The following HSP90AA1 variants were observed in gnomAD, a reference collection of about 807,000 sequenced individuals.
The protein encoded by HSP90AA1 is heat shock protein 90 alpha family class A member 1.
Under a neutral mutation model 73.3 loss-of-function variants are expected in HSP90AA1, and 18 were observed. That is an observed-to-expected ratio of 0.25 (90% CI 0.17 to 0.36). The LOEUF (loss-of-function observed/expected upper bound fraction) is 0.36. HSP90AA1 is among the 10% of genes least tolerant of loss of function. The probability of loss-of-function intolerance (pLI) is 1.00; values close to 1 mark genes in which losing one functional copy is unlikely to be tolerated. For synonymous variants in HSP90AA1, 477 were observed against 296.9 expected, an observed-to-expected ratio of 1.61 and a Z score of -6.24; for missense variants, 704 against 874.2, an observed-to-expected ratio of 0.81 and a Z score of 2.45.
chr14:102,106,368 G>C (rs558401576), intron 1 of HSP90AA1, among the ~76,000 whole-genome samples: 20 of 152,158 alleles, frequency 1.3e-4, no homozygotes, highest in Admixed American at 7.2e-4. Flanking sequence ...AGTGAGCAGG[G>C]AAGAGCCATC....
In HSP90AA1 at chr14:102,085,787, C is replaced by G; in HGVS notation, c.500G>C (p.Gly167Ala). The G allele has an allele frequency of 6.2e-7, 1 of 1,613,966 alleles. No individual in the cohort carries two copies. Among genetic ancestry groups the G allele is most frequent in the Admixed American group, 1.7e-5 (1 of 60,012 alleles). ...DEQYAWESSA[G>A]GSFTVRTDTG... Reference sequence around the variant, plus strand: ...GTCTGTCCTCACTGTGAATGATCCCCCTGCTGAGGACTCCCAAGCGTACTG... The same window carrying G: ...GTCTGTCCTCACTGTGAATGATCCCGCTGCTGAGGACTCCCAAGCGTACTG... Residue 167 changes from glycine (G) to alanine (A), a missense_variant, in exon 3 of 11, where the codon GGG (glycine) becomes GCG (alanine). Coordinates refer to ENST00000216281, the MANE Select transcript of HSP90AA1 (RefSeq NM_005348.4).
At position 102,081,672 on chromosome 14, in the gene HSP90AA1, T is replaced by C. The variant is rs1416319789; in HGVS notation, c.*40A>G. 5.9e-6 allele frequency: 5 copies of C among 848,638 alleles called. No individual in the cohort carries two copies. Among genetic ancestry groups the C allele is most frequent in the Admixed American group, 1.7e-5 (1 of 59,024 alleles). 52.6% of individuals were successfully genotyped at this position (848,638 alleles called of 1,614,324 possible). A position where few individuals can be genotyped will look rare whatever the true frequency, so the allele number is the denominator to read the frequency against. On this transcript the variant is annotated 3_prime_UTR_variant, in exon 11 of 11. Transcript: ENST00000216281. ...CTTGAAAATATATTATCAGAGGAATTGTAGAGTACTGAACAGGTAAGTCAT... is the reference window on the plus strand; with the variant it reads ...CTTGAAAATATATTATCAGAGGAATCGTAGAGTACTGAACAGGTAAGTCAT...
At chr14:102,137,181 C>T (rs903200451) in intron 1 of HSP90AA1, among the ~76,000 whole-genome samples, 19 of 150,844 alleles carry the variant, frequency 1.3e-4, no homozygotes, top group African/African-American at 4.2e-4. Context: ...CTCCAGCCTG[C>T]GGAGAGCTGA....
rs569173401 is a variant in HSP90AA1, at chr14:102,081,405, T to A, written c.*307A>T. 6.4e-5 allele frequency: 30 copies of A among 468,976 alleles called. No individual in the cohort carries two copies. The South Asian group carries it at 6.8e-4, about 11-fold the overall frequency. 29.1% of individuals were successfully genotyped at this position (468,976 alleles called of 1,614,324 possible). ...TAACAAGATTTGGTCTACTTAGGCA[T>A]CCGGCTTGACAGCTAAACACTTTAG... On this transcript the variant is annotated 3_prime_UTR_variant, in exon 11 of 11. Transcript: ENST00000216281.
In HSP90AA1 at chr14:102,082,193, A is replaced by C; in HGVS notation, c.2007T>G (p.Thr669=). Residue 669 remains threonine, a synonymous_variant, in exon 10 of 11, where the codon ACT becomes ACG. Coordinates refer to ENST00000216281, the MANE Select transcript of HSP90AA1 (RefSeq NM_005348.4). ...VKDLVILLYE[T]ALLSSGFSLE... is the part of the protein sequence containing the mutation. ...GACTGAAGCCAGAAGACAGGAGCGC[A>C]GTTTCATAAAGCAAGATGACCAGAT... 1.9e-6 allele frequency: 3 copies of C among 1,613,912 alleles called. No homozygotes were observed. The highest frequency in any genetic ancestry group is 2.5e-6 in the Non-Finnish European group (3 of 1,179,784).
intron 1 of HSP90AA1, among the ~76,000 whole-genome samples, chr14:102,102,636 G>A (rs10133094): frequency 0.067 from 10,273 of 152,226 alleles, 386 homozygotes; most frequent in African/African-American, 0.1. Context: ...GCTCTGCCAC[G>A]CATACGACTT....
intron 1 of HSP90AA1, among the ~76,000 whole-genome samples, chr14:102,116,363 G>A (rs185270507): frequency 1.3e-5 from 2 of 152,248 alleles, no homozygotes; most frequent in East Asian, 3.9e-4. Flanking sequence ...ATTTCTAGGA[G>A]TCCTTTATTC....
rs1302461470 is a variant in HSP90AA1, at chr14:102,116,946, C to T, written c.156-14861G>A. ...ATCTCTGCACTCTGTGCCCTCAGGGCACAGGCTTGGGGGTGTCTGCTTCTG... is the reference window on the plus strand; with the variant it reads ...ATCTCTGCACTCTGTGCCCTCAGGGTACAGGCTTGGGGGTGTCTGCTTCTG... On this transcript the variant is annotated intron_variant, in intron 1 of 11. Transcript: ENST00000334701. 4.6e-5 allele frequency among the ~76,000 whole-genome samples: 7 copies of T among 152,274 alleles called. No individual in the cohort carries two copies. The East Asian group carries it at 1.4e-3, about 29-fold the overall frequency.
At chr14:102,087,620 G>C (rs369640823), upstream of HSP90AA1, among the ~76,000 whole-genome samples, 1 of 152,186 alleles carries the variant, frequency 6.6e-6, no homozygotes, top group African/African-American at 2.4e-5. Flanking sequence ...CGCCGGGATC[G>C]CGGGGCTCTG....
At chr14:102,092,323 G>A (rs117058023) in intron 2 of HSP90AA1, among the ~76,000 whole-genome samples, 3 of 151,870 alleles carry the variant, frequency 2.0e-5, no homozygotes, top group Admixed American at 2.0e-4. Context: ...TGCCTGCCTC[G>A]GTGTCGCAAA....
intron 1 of HSP90AA1, among the ~76,000 whole-genome samples, chr14:102,138,556 G>A (rs867364136): frequency 1.3e-5 from 2 of 151,444 alleles, no homozygotes; most frequent in African/African-American, 2.4e-5. Context: ...ATTATCAAAT[G>A]TATTACTACA....
intron 1 of HSP90AA1, among the ~76,000 whole-genome samples, chr14:102,127,099 A>G (rs1014294503): frequency 1.3e-5 from 2 of 151,348 alleles, no homozygotes; most frequent in Non-Finnish European, 2.9e-5. Flanking sequence ...TTATAATTAT[A>G]TATAAGTAAC....
At chr14:102,083,498 C>T (rs760659759) in intron 8 of HSP90AA1, 48 bp downstream of exon 8, 35 of 1,579,280 alleles carry the variant, frequency 2.2e-5, no homozygotes, top group Admixed American at 5.0e-5. Context: ...ACAGAGCCTA[C>T]AAGATTGTAA....
rs36078484 is a variant in HSP90AA1, at chr14:102,083,079, G to T, written c.1710C>A (p.Asn570Lys). 3 of 1,613,738 alleles carry T rather than the reference G, an allele frequency of 1.9e-6. No homozygotes were observed. Among genetic ancestry groups the T allele is most frequent in the Non-Finnish European group, 2.5e-6 (3 of 1,179,746 alleles). The change falls in exon 9 of 11, where the codon AAC becomes AAA. Residue 570 changes from asparagine to lysine, a missense_variant. Coordinates refer to ENST00000216281, the MANE Select transcript of HSP90AA1 (RefSeq NM_005348.4). ...KQEEKKTKFE[N>K]LCKIMKDILE... is the part of the protein sequence containing the mutation. ...ATATGTCTTTCATGATTTTGCAGAG[G>T]TTCTCAAACTTTGTTTTTTTCTCTT...
Position 102,086,163 on chromosome 14 carries a change from C to T in HSP90AA1, c.163-39G>A, listed in dbSNP as rs962266271. Reference sequence around the variant, plus strand: ...ATATTAATTTAAGCATACAGCACCCCCAAGAAGTTCACACTGAAACCAAAA... The same window carrying T: ...ATATTAATTTAAGCATACAGCACCCTCAAGAAGTTCACACTGAAACCAAAA... On this transcript the variant is annotated intron_variant, in intron 2 of 10. Coordinates refer to ENST00000216281, the MANE Select transcript of HSP90AA1 (RefSeq NM_005348.4). 7 of 1,613,898 alleles carry T rather than the reference C, an allele frequency of 4.3e-6. No homozygotes were observed. In the African/African-American group the frequency reaches 8.0e-5, roughly 18 times the overall value.
intron 4 of HSP90AA1, 109 bp downstream of exon 4, chr14:102,085,189 G>A (rs1182819082): frequency 7.0e-7 from 1 of 1,430,180 alleles, no homozygotes; most frequent in Non-Finnish European, 9.8e-7. Context: ...TAGAGCTTAG[G>A]TTCCCCAGGC....
At chr14:102,086,629 A>ACC (rs947830893) in intron 1 of HSP90AA1, among the ~76,000 whole-genome samples, 11 of 150,758 alleles carry the variant, frequency 7.3e-5, no homozygotes, top group Admixed American at 4.6e-4. Context: ...CCCAACGAAC[A>ACC]CCCCGGGTGC....
At chr14:102,089,726 C>T (rs1383395671), upstream of HSP90AA1, among the ~76,000 whole-genome samples, 2 of 152,138 alleles carry the variant, frequency 1.3e-5, no homozygotes, top group South Asian at 4.1e-4. Flanking sequence ...TTTGAGGGCT[C>T]GTTAGCCAGG....
At chr14:102,114,634 TCA>T (rs1282660284) in intron 1 of HSP90AA1, among the ~76,000 whole-genome samples, 1 of 152,170 alleles carries the variant, frequency 6.6e-6, no homozygotes, top group Non-Finnish European at 1.5e-5. Flanking sequence ...CATTCAGTAA[TCA>T]CACACTCACG....
Sources: gnomAD v4.1 joint callset for allele counts (sites outside exome capture counted in the v4.1 genomes callset) on GRCh38, gnomAD v4.1.1 for gene constraint, MANE v1.5 for transcripts, NCBI Gene and HGNC (gene_info 2026-07-23, HGNC 2026-07-21) for gene names.